Variants in DNAJC1 observed in about 807,000 individuals in gnomAD.
The protein encoded by DNAJC1 is DnaJ heat shock protein family (Hsp40) member C1.
In DNAJC1, 58 loss-of-function variants were observed where a neutral mutation model predicts 76.6. The observed-to-expected ratio is 0.76, with a 90% CI of 0.61 to 0.94. The LOEUF (loss-of-function observed/expected upper bound fraction) is 0.94. Ranked by LOEUF, DNAJC1 falls within the 40% of genes least tolerant of loss-of-function variation. The pLI, the probability that DNAJC1 is intolerant of heterozygous loss-of-function variation, is 0.00. For synonymous variants in DNAJC1, 258 were observed against 267.9 expected, an observed-to-expected ratio of 0.96 and a Z score of 0.36; for missense variants, 689 against 677.3, an observed-to-expected ratio of 1.02 and a Z score of -0.19.
At chr10:21,775,723 T>C (rs1263446579) in intron 9 of DNAJC1, among the ~76,000 whole-genome samples, 1 of 152,200 alleles carries the variant, frequency 6.6e-6, no homozygotes, top group Admixed American at 6.5e-5. Flanking sequence ...AGTCATTCTA[T>C]TTTTATATCA....
intron 1 of DNAJC1, among the ~76,000 whole-genome samples, chr10:21,985,498 C>T (rs1287624107): frequency 6.6e-6 from 1 of 152,202 alleles, no homozygotes; most frequent in East Asian, 1.9e-4. Flanking sequence ...ATCCACCCAC[C>T]TCAGCCTCCC....
intron 9 of DNAJC1, among the ~76,000 whole-genome samples, chr10:21,775,890 A>C (rs1834449375): frequency 6.6e-6 from 1 of 152,152 alleles, no homozygotes; most frequent in Non-Finnish European, 1.5e-5. Context: ...GCTTTTGGAC[A>C]GTCCAATGTG....
intron 8 of DNAJC1, among the ~76,000 whole-genome samples, chr10:21,849,535 G>C (rs951356410): frequency 6.6e-6 from 1 of 151,994 alleles, no homozygotes; most frequent in Non-Finnish European, 1.5e-5. Context: ...GGGAAAAAAA[G>C]AGGGGAGATG....
At chr10:21,769,100 A>G (rs1834341646) in intron 9 of DNAJC1, among the ~76,000 whole-genome samples, 1 of 152,120 alleles carries the variant, frequency 6.6e-6, no homozygotes, top group Non-Finnish European at 1.5e-5. Flanking sequence ...TCCCTAATAG[A>G]AGTGTTCCTC....
Position 21,779,900 on chromosome 10 carries a change from A to G in DNAJC1, c.1099-13591T>C, listed in dbSNP as rs536739857. Among the ~76,000 whole-genome samples, 8 of 152,352 alleles carry G rather than the reference A, an allele frequency of 5.3e-5. No homozygotes were observed. The East Asian group carries it at 9.6e-4, about 18-fold the overall frequency. ...ATAACCAGTGTAGAGAAGACCTTCA[A>G]TGACCTGATGGAGCTGAAAACCATG... On this transcript the variant is annotated intron_variant, in intron 9 of 11. Transcript: ENST00000376980.
In DNAJC1 at chr10:21,757,591, C is replaced by T. The variant is rs976449964; in HGVS notation, c.1597-836G>A. Among the ~76,000 whole-genome samples the T allele has an allele frequency of 9.9e-5, 15 of 152,114 alleles. 1 individual carries two copies. Among genetic ancestry groups the T allele is most frequent in the Admixed American group, 9.2e-4 (14 of 15,270 alleles). ...TCTTCTCAGGGTTTTTTTTCTGCAT[C>T]CCCAAAGATTACTTGCCTAAGGTCT... On this transcript the variant is annotated intron_variant, in intron 11 of 11. Coordinates refer to ENST00000376980, the MANE Select transcript of DNAJC1 (RefSeq NM_022365.4).
Position 22,003,241 on chromosome 10 carries a change from T to C in DNAJC1, c.194A>G (p.Asn65Ser), listed in dbSNP as rs1239621381. 4.5e-6 allele frequency: 7 copies of C among 1,570,484 alleles called. No individual in the cohort carries two copies. The highest frequency in any genetic ancestry group is 2.5e-5 in the East Asian group (1 of 39,928). ...LFDLVEEVQL[N>S]FYQFLGVQQD... ...CTGCACCCCGAGGAACTGGTAGAAG[T>C]TGAGCTGCACCTCCTCCACTAAGTC... Residue 65 changes from asparagine (N) to serine (S), a missense_variant, in exon 1 of 12, where the codon AAC (asparagine) becomes AGC (serine). By Grantham distance (46) the Asn-to-Ser change is conservative. Transcript: ENST00000376980.
At chr10:21,857,364 A>T (rs1427182362) in intron 8 of DNAJC1, among the ~76,000 whole-genome samples, 2 of 151,794 alleles carry the variant, frequency 1.3e-5, no homozygotes, top group African/African-American at 2.4e-5. Context: ...TGTGAAACTA[A>T]GCAGGGAAGA....
At chr10:21,773,800 TTAA>T (rs1490180693) in intron 9 of DNAJC1, among the ~76,000 whole-genome samples, 1 of 150,516 alleles carries the variant, frequency 6.6e-6, no homozygotes, top group Non-Finnish European at 1.5e-5. Context: ...TCCCTCTTTA[TTAA>T]TTTTTTTTTT....
At chr10:22,002,508 C>G (rs750771831) in intron 1 of DNAJC1, among the ~76,000 whole-genome samples, 53 of 152,188 alleles carry the variant, frequency 3.5e-4, no homozygotes, top group Non-Finnish European at 7.1e-4. Flanking sequence ...ACATTACTGA[C>G]CGGGGGCTTC....
chr10:21,996,815 T>C (rs1418782199), intron 1 of DNAJC1, among the ~76,000 whole-genome samples: 2 of 152,206 alleles, frequency 1.3e-5, no homozygotes, highest in Non-Finnish European at 2.9e-5. Context: ...CACTAAACTA[T>C]ACATATCACA....
intron 6 of DNAJC1, among the ~76,000 whole-genome samples, chr10:21,905,442 G>A (rs1200298335): frequency 6.6e-6 from 1 of 152,052 alleles, no homozygotes; most frequent in Non-Finnish European, 1.5e-5. Flanking sequence ...CCCACACTGT[G>A]CTTCCATGTC....
At chr10:21,974,435 C>T (rs1460989479) in intron 1 of DNAJC1, among the ~76,000 whole-genome samples, 10 of 152,046 alleles carry the variant, frequency 6.6e-5, no homozygotes, top group East Asian at 1.9e-4. Context: ...AATCCAGAGC[C>T]GATTAAGATG....
chr10:21,848,858 A>G (rs1022482526), intron 8 of DNAJC1, among the ~76,000 whole-genome samples: 2 of 152,234 alleles, frequency 1.3e-5, no homozygotes, highest in African/African-American at 2.4e-5. Context: ...GCATGTGGAT[A>G]TTAAAACACT....
At chr10:21,854,003 T>C (rs1174661945) in intron 8 of DNAJC1, among the ~76,000 whole-genome samples, 1 of 151,968 alleles carries the variant, frequency 6.6e-6, no homozygotes, top group African/African-American at 2.4e-5. Flanking sequence ...GATAAGAACA[T>C]GTAATAGACA....
intron 8 of DNAJC1, among the ~76,000 whole-genome samples, chr10:21,829,843 G>A (rs1005957909): frequency 1.3e-5 from 2 of 152,104 alleles, no homozygotes; most frequent in African/African-American, 4.8e-5. Context: ...TTTACCATGT[G>A]CTTTCTTTTA....
At chr10:21,813,747 A>G (rs752685274) in intron 8 of DNAJC1, among the ~76,000 whole-genome samples, 2 of 152,178 alleles carry the variant, frequency 1.3e-5, no homozygotes, top group African/African-American at 4.8e-5. Context: ...AGGAATGGGT[A>G]GCCATGTTTA....
chr10:21,869,233 A>G (rs1005473735), intron 8 of DNAJC1, among the ~76,000 whole-genome samples: 2 of 151,622 alleles, frequency 1.3e-5, no homozygotes, highest in African/African-American at 2.4e-5. Context: ...AAAAAAAAAA[A>G]AAAGAGACAT....
intron 9 of DNAJC1, among the ~76,000 whole-genome samples, chr10:21,781,490 G>C (rs1834526666): frequency 1.3e-5 from 2 of 152,290 alleles, no homozygotes; most frequent in South Asian, 4.1e-4. Flanking sequence ...GGGAGGCAGA[G>C]GCGGGCAGAT....
Sources: gnomAD v4.1 joint callset for allele counts (sites outside exome capture counted in the v4.1 genomes callset) on GRCh38, gnomAD v4.1.1 for gene constraint, MANE v1.5 for transcripts, NCBI Gene and HGNC (gene_info 2026-07-23, HGNC 2026-07-21) for gene names.